MACROD2: variants seen among roughly 807,000 people sequenced by gnomAD.
The protein encoded by MACROD2 is ADP-ribose glycohydrolase MACROD2.
MACROD2 carries 36 observed loss-of-function variants against 70.4 expected under a neutral mutation model. The ratio of observed to expected loss-of-function variants is 0.51; its 90% CI spans 0.39 to 0.68. MACROD2 has a LOEUF of 0.68. MACROD2 is among the 30% of genes least tolerant of loss of function. The pLI is 0.00. For missense variants in MACROD2, 496 were observed against 538.4 expected (o/e 0.92, Z 0.78); for synonymous variants, 172 against 178.8 (o/e 0.96, Z 0.30).
At chr20:14,977,089 A>G (rs902211555) in intron 5 of MACROD2, among the ~76,000 whole-genome samples, 1 of 152,100 alleles carries the variant, frequency 6.6e-6, no homozygotes, top group Non-Finnish European at 1.5e-5. Flanking sequence ...TTGTGTCACT[A>G]TGGTTCCCCA....
Position 15,630,356 on chromosome 20 carries a change from G to A in MACROD2, c.645+130509G>A, listed in dbSNP as rs76440659. Among the ~76,000 whole-genome samples the A allele has an allele frequency of 5.2e-3, 790 of 152,312 alleles. 8 individuals are homozygous for A. Among genetic ancestry groups the A allele is most frequent in the African/African-American group, 0.018 (756 of 41,586 alleles). On this transcript the variant is annotated intron_variant, in intron 8 of 17. Coordinates refer to ENST00000684519, the MANE Select transcript of MACROD2 (RefSeq NM_001351661.2). ...CTTTCCTTGGGCTTTCTGCAAAAATGTTGTGCATCTGAACTTGAGCAATTT... is the reference window on the plus strand; with the variant it reads ...CTTTCCTTGGGCTTTCTGCAAAAATATTGTGCATCTGAACTTGAGCAATTT...
chr20:14,057,395 T>A (rs1029991173), intron 2 of MACROD2, among the ~76,000 whole-genome samples: 2 of 152,184 alleles, frequency 1.3e-5, no homozygotes, highest in Non-Finnish European at 2.9e-5. Flanking sequence ...ATCCATACTA[T>A]GTAAACTCCT....
At chr20:15,364,050 G>A (rs188097888) in intron 6 of MACROD2, among the ~76,000 whole-genome samples, 64 of 152,254 alleles carry the variant, frequency 4.2e-4, no homozygotes, top group African/African-American at 1.5e-3. Flanking sequence ...ACATTTAGAT[G>A]TATTTGGATT....
At chr20:14,255,014 CT>C (rs1412224782) in intron 3 of MACROD2, among the ~76,000 whole-genome samples, 2 of 152,004 alleles carry the variant, frequency 1.3e-5, no homozygotes, top group African/African-American at 4.8e-5. Context: ...CTTAGTTTGG[CT>C]GGATATGAAA....
At chr20:15,925,231 G>A (rs796182923) in intron 10 of MACROD2, among the ~76,000 whole-genome samples, 14 of 152,320 alleles carry the variant, frequency 9.2e-5, no homozygotes, top group African/African-American at 3.4e-4. Flanking sequence ...CTTTGGGAAA[G>A]TTACTTAATT....
intron 3 of MACROD2, among the ~76,000 whole-genome samples, chr20:14,314,278 G>C (rs958753380): frequency 1.3e-5 from 2 of 152,168 alleles, no homozygotes; most frequent in Non-Finnish European, 2.9e-5. Context: ...TGTTGGGGGA[G>C]AGAGAGAAAA....
chr20:14,698,201 G>T (rs927168774), intron 5 of MACROD2, among the ~76,000 whole-genome samples: 2 of 152,148 alleles, frequency 1.3e-5, no homozygotes, highest in Non-Finnish European at 2.9e-5. Context: ...GAAAAGACCT[G>T]ATGGTTTTGG....
intron 5 of MACROD2, chr20:14,757,685 C>T: frequency 7.1e-7 from 1 of 1,409,380 alleles, no homozygotes; most frequent in Non-Finnish European, 1.0e-6. Context: ...TGTGTCCAAC[C>T]TTCCTGTCAT....
chr20:15,283,918 C>A (rs1280188324), intron 6 of MACROD2, among the ~76,000 whole-genome samples: 1 of 152,112 alleles, frequency 6.6e-6, no homozygotes, highest in Non-Finnish European at 1.5e-5. Flanking sequence ...TCCTAAATGG[C>A]TTTATCTGTA....
At chr20:14,774,496 A>G (rs982104666) in intron 5 of MACROD2, among the ~76,000 whole-genome samples, 1 of 152,050 alleles carries the variant, frequency 6.6e-6, no homozygotes, top group Non-Finnish European at 1.5e-5. Context: ...TCTGATGTGA[A>G]TTAGCTTCCC....
intron 6 of MACROD2, among the ~76,000 whole-genome samples, chr20:15,404,320 A>G (rs2045968797): frequency 6.6e-6 from 1 of 152,162 alleles, no homozygotes; most frequent in South Asian, 2.1e-4. Context: ...TCTATGTTAT[A>G]TTTTAAGGGA....
At chr20:15,372,616 G>A (rs544383249) in intron 6 of MACROD2, among the ~76,000 whole-genome samples, 55 of 152,192 alleles carry the variant, frequency 3.6e-4, no homozygotes, top group South Asian at 1.2e-3. Context: ...ATTATGTGTT[G>A]CCAAAATACA....
intron 3 of MACROD2, among the ~76,000 whole-genome samples, chr20:14,213,695 C>T (rs977610487): frequency 6.6e-6 from 1 of 151,882 alleles, no homozygotes; most frequent in African/African-American, 2.4e-5. Flanking sequence ...ACTGGGAGAG[C>T]TCAGGAACAA....
At chr20:14,867,619 T>C (rs1024255394) in intron 5 of MACROD2, among the ~76,000 whole-genome samples, 7 of 152,174 alleles carry the variant, frequency 4.6e-5, no homozygotes, top group African/African-American at 1.7e-4. Flanking sequence ...TGATTTCTTT[T>C]GTATATTCAT....
At chr20:15,616,351 G>A (rs192398682) in intron 8 of MACROD2, among the ~76,000 whole-genome samples, 5 of 152,040 alleles carry the variant, frequency 3.3e-5, no homozygotes, top group African/African-American at 7.2e-5. Flanking sequence ...TGATCCACCC[G>A]CCTCGGCCTC....
chr20:15,581,192 G>T (rs916772330), intron 8 of MACROD2, among the ~76,000 whole-genome samples: 2 of 152,154 alleles, frequency 1.3e-5, no homozygotes, highest in African/African-American at 4.8e-5. Flanking sequence ...CAGTTCGGAA[G>T]GTGGAAACAC....
chr20:15,933,219 G>A, intron 10 of MACROD2, 57 bp from the exon 11 acceptor site: 2 of 1,537,290 alleles, frequency 1.3e-6, no homozygotes, highest in South Asian at 1.1e-5. Context: ...TAGCCGTAAA[G>A]AGATATTTCA....
At chr20:14,322,746 A>C (rs2082676093) in intron 3 of MACROD2, among the ~76,000 whole-genome samples, 1 of 152,130 alleles carries the variant, frequency 6.6e-6, no homozygotes, top group African/African-American at 2.4e-5. Flanking sequence ...AAAACTTGGG[A>C]ACAGATGGCA....
At chr20:14,247,024 G>A (rs1200966342) in intron 3 of MACROD2, among the ~76,000 whole-genome samples, 1 of 152,088 alleles carries the variant, frequency 6.6e-6, no homozygotes, top group Non-Finnish European at 1.5e-5. Flanking sequence ...CATACAAAAT[G>A]TCTACAGTTC....
Sources: allele counts gnomAD v4.1 joint callset (sites outside exome capture counted in the v4.1 genomes callset), GRCh38; gene constraint gnomAD v4.1.1; transcripts MANE v1.5; gene names NCBI Gene and HGNC (gene_info 2026-07-23, HGNC 2026-07-21).